NRXN3: variants seen among roughly 807,000 people sequenced by gnomAD.
NRXN3 encodes neurexin 3.
A neutral mutation model predicts 137.6 loss-of-function variants in NRXN3; 32 were observed. The ratio of observed to expected loss-of-function variants is 0.23; its 90% CI spans 0.18 to 0.31. The LOEUF is 0.31. Among genes scored for constraint, NRXN3 ranks in the 10% least tolerant of loss-of-function variants. The pLI is 1.00. For synonymous variants in NRXN3, 798 were observed against 784.5 expected (o/e 1.02, Z -0.29); for missense variants, 1,574 against 2,062.5 (o/e 0.76, Z 4.59).
chr14:79,361,996 A>AATTATTATTATTATT (rs3036671), intron 15 of NRXN3, among the ~76,000 whole-genome samples: 32 of 142,106 alleles, frequency 2.3e-4, no homozygotes, highest in South Asian at 1.4e-3. Flanking sequence ...CTACTTTTAT[A>AATTATTATTATTATT]ATTATTATTA....
chr14:79,421,670 C>T (rs1048456865), intron 15 of NRXN3, among the ~76,000 whole-genome samples: 3 of 152,098 alleles, frequency 2.0e-5, no homozygotes, highest in Admixed American at 2.0e-4. Context: ...TCAGAGTTGC[C>T]TAACAAAACC....
At chr14:78,700,845 T>C (rs1465470634) in intron 6 of NRXN3, among the ~76,000 whole-genome samples, 2 of 152,088 alleles carry the variant, frequency 1.3e-5, no homozygotes, top group African/African-American at 4.8e-5. Flanking sequence ...TGGAATGCAG[T>C]GGCACAATCT....
intron 4 of NRXN3, among the ~76,000 whole-genome samples, chr14:78,619,245 C>G (rs1400354009): frequency 6.6e-6 from 1 of 152,168 alleles, no homozygotes; most frequent in Non-Finnish European, 1.5e-5. Context: ...TTCATTTAGA[C>G]GGCCTTGCTT....
At chr14:78,170,890 G>A (rs923263321) in intron 1 of NRXN3, among the ~76,000 whole-genome samples, 10 of 150,998 alleles carry the variant, frequency 6.6e-5, no homozygotes, top group Non-Finnish European at 1.3e-4. Flanking sequence ...CCTGGAAGTT[G>A]GGTCCTTTTC....
intron 16 of NRXN3, among the ~76,000 whole-genome samples, chr14:79,624,190 A>G (rs2098256485): frequency 6.6e-6 from 1 of 152,192 alleles, no homozygotes; most frequent in Non-Finnish European, 1.5e-5. Context: ...TTCAAAAGAC[A>G]CCAAAGAGCC....
At chr14:79,110,565 G>T (rs2053288820) in intron 15 of NRXN3, among the ~76,000 whole-genome samples, 1 of 152,124 alleles carries the variant, frequency 6.6e-6, no homozygotes, top group African/African-American at 2.4e-5. Flanking sequence ...TTGCTAAATA[G>T]ATGGATGCAT....
chr14:78,229,361 G>A (rs1297668309), intron 1 of NRXN3, among the ~76,000 whole-genome samples: 7 of 151,826 alleles, frequency 4.6e-5, no homozygotes, highest in Admixed American at 3.3e-4. Flanking sequence ...AAAGGGTCCT[G>A]ATAGTTGAGC....
At chr14:78,991,157 A>C (rs1477675948) in intron 15 of NRXN3, among the ~76,000 whole-genome samples, 2 of 152,168 alleles carry the variant, frequency 1.3e-5, no homozygotes, top group Non-Finnish European at 2.9e-5. Flanking sequence ...CTCATGGAGG[A>C]GGAAGAATAA....
intron 15 of NRXN3, among the ~76,000 whole-genome samples, chr14:79,049,341 T>C (rs1297900318): frequency 1.3e-5 from 2 of 152,182 alleles, no homozygotes; most frequent in East Asian, 3.9e-4. Context: ...ACCACTTTCT[T>C]TGCTTATCAT....
In NRXN3 at chr14:79,856,179, A is replaced by G. The variant is rs144279198; in HGVS notation, c.4094-5163A>G. On this transcript the variant is annotated intron_variant, in intron 20 of 20. Transcript: ENST00000335750. ...ACCTAGAAATTCTCATCCTGTTAAA[A>G]TACAAGTTAAGCCTCTTTGAGACAC... Among the ~76,000 whole-genome samples the G allele has an allele frequency of 2.8e-3, 429 of 152,226 alleles. 1 individual carries two copies. The highest frequency in any genetic ancestry group is 8.7e-3 in the African/African-American group (360 of 41,518).
chr14:78,750,767 C>T (rs1237706159), intron 8 of NRXN3, among the ~76,000 whole-genome samples: 1 of 152,142 alleles, frequency 6.6e-6, no homozygotes, highest in Non-Finnish European at 1.5e-5. Context: ...TTAGTTATCT[C>T]ACCATGTTTT....
intron 16 of NRXN3, among the ~76,000 whole-genome samples, chr14:79,490,864 G>T (rs1030446182): frequency 8.5e-5 from 13 of 152,074 alleles, no homozygotes; most frequent in African/African-American, 3.1e-4. Context: ...GATGGATACT[G>T]CATTCTTCAT....
intron 15 of NRXN3, among the ~76,000 whole-genome samples, chr14:79,394,439 T>A (rs527306121): frequency 6.6e-6 from 1 of 152,338 alleles, no homozygotes; most frequent in South Asian, 2.1e-4. Context: ...TTGCTCCAAA[T>A]CATACAGCTA....
intron 6 of NRXN3, among the ~76,000 whole-genome samples, chr14:78,697,265 A>G (rs2098236397): frequency 6.6e-6 from 1 of 151,904 alleles, no homozygotes; most frequent in Non-Finnish European, 1.5e-5. Flanking sequence ...CTTTTCTCCA[A>G]TATTTCTTTC....
chr14:79,269,221 T>G (rs972038064), intron 15 of NRXN3, among the ~76,000 whole-genome samples: 3 of 152,106 alleles, frequency 2.0e-5, no homozygotes, highest in South Asian at 2.1e-4. Context: ...GGCTAATTTT[T>G]TGTATTTTCA....
intron 16 of NRXN3, among the ~76,000 whole-genome samples, chr14:79,549,585 C>G (rs2097354052): frequency 6.6e-6 from 1 of 152,098 alleles, no homozygotes; most frequent in African/African-American, 2.4e-5. Context: ...AATCCTGGGT[C>G]AACATCTGCT....
rs1412326240 is a variant in NRXN3 at position 78,697,616 on chromosome 14, A to T, written c.1222-11601A>T. Among the ~76,000 whole-genome samples the T allele has an allele frequency of 1.3e-5, 2 of 152,014 alleles. 1 individual carries two copies. Among genetic ancestry groups the T allele is most frequent in the African/African-American group, 4.8e-5 (2 of 41,364 alleles). On this transcript the variant is annotated intron_variant, in intron 6 of 20. Coordinates refer to ENST00000335750, the MANE Select transcript of NRXN3 (RefSeq NM_001330195.2). ...AAGGTAATGCAAACTCATAGGTAAAAGTATTAGGGCCTATATACCATCACC... is the reference window on the plus strand; with the variant it reads ...AAGGTAATGCAAACTCATAGGTAAATGTATTAGGGCCTATATACCATCACC...
At chr14:78,947,137 C>G (rs1452642420) in intron 10 of NRXN3, among the ~76,000 whole-genome samples, 1 of 152,162 alleles carries the variant, frequency 6.6e-6, no homozygotes, top group African/African-American at 2.4e-5. Flanking sequence ...ACACCAGATG[C>G]TAAGAGGATA....
chr14:78,504,922 G>T (rs1298557084), intron 4 of NRXN3, among the ~76,000 whole-genome samples: 1 of 152,128 alleles, frequency 6.6e-6, no homozygotes, highest in East Asian at 1.9e-4. Context: ...GAGGGTCACA[G>T]CTCTTAGACC....
Sources: gnomAD v4.1 joint callset for allele counts (sites outside exome capture counted in the v4.1 genomes callset) on GRCh38, gnomAD v4.1.1 for gene constraint, MANE v1.5 for transcripts, NCBI Gene and HGNC (gene_info 2026-07-23, HGNC 2026-07-21) for gene names.